Variants in PRH1 observed in about 807,000 individuals in gnomAD.
PRH1 encodes the protein salivary acidic proline-rich phosphoprotein 1/2.
PRH1 carries 7 observed loss-of-function variants against 7.9 expected under a neutral mutation model. That is an observed-to-expected ratio of 0.89 (90% confidence interval 0.50 to 1.67). The LOEUF (loss-of-function observed/expected upper bound fraction) is 1.67, where lower values mean the gene tolerates loss of function less well. PRH1 is among the 40% of genes most tolerant of loss of function. PRH1 has a pLI of 0.00. For synonymous variants in PRH1, 45 were observed against 80.8 expected, an observed-to-expected ratio of 0.56 and a Z score of 2.38; for missense variants, 109 against 223.6, an observed-to-expected ratio of 0.49 and a Z score of 3.27.
chr12:10,969,090 TG>T (rs1938659755), intron 2 of PRH1, among the ~76,000 whole-genome samples: 1 of 152,124 alleles, frequency 6.6e-6, no homozygotes, highest in Admixed American at 6.5e-5. Flanking sequence ...TTTATTTTGA[TG>T]GAAGTGACTC....
chr12:11,094,878 C>T (rs1945040797), intron 1 of PRH1, among the ~76,000 whole-genome samples: 2 of 106,682 alleles, frequency 1.9e-5, no homozygotes, highest in South Asian at 5.1e-4. Flanking sequence ...ATTCCACTTT[C>T]CAAGTCCCTA....
At chr12:11,016,664 G>C (rs1414138538) in intron 1 of PRH1, among the ~76,000 whole-genome samples, 4 of 152,232 alleles carry the variant, frequency 2.6e-5, no homozygotes, top group Non-Finnish European at 5.9e-5. Context: ...TTGAAGGTCA[G>C]ATGCTACCTA....
chr12:10,987,394 A>G (rs1939704814), intron 1 of PRH1, among the ~76,000 whole-genome samples: 1 of 152,094 alleles, frequency 6.6e-6, no homozygotes. Context: ...ATTTAAACAG[A>G]CAGAATCCAA....
At chr12:10,957,080 A>G (rs149767598) in intron 2 of PRH1, among the ~76,000 whole-genome samples, 34 of 150,340 alleles carry the variant, frequency 2.3e-4, no homozygotes, top group Middle Eastern at 3.4e-3. Context: ...ATTCACTGGG[A>G]ATGAAAAAAA....
intron 1 of PRH1, among the ~76,000 whole-genome samples, chr12:11,100,496 G>C (rs1261195037): frequency 6.6e-6 from 1 of 152,166 alleles, no homozygotes; most frequent in East Asian, 1.9e-4. Flanking sequence ...ATCTCAAAAT[G>C]TCATTTCAAT....
In PRH1 at chr12:10,986,832, GA is replaced by G. The variant is rs79147066; in HGVS notation, c.-125-13112del. ...AACAAATAAAACCATTATTAGAATT[GA>G]AAAAAAAATGTATAGAAAAGTTATC... On this transcript the variant is annotated intron_variant, in intron 1 of 3. Coordinates refer to the PRH1 transcript ENST00000539853. 5.6e-4 allele frequency: 851 copies of G among 1,508,266 alleles called. 4 individuals are homozygous for G. The East Asian group carries it at 0.01, about 18-fold the overall frequency. The allele number at this position is 1,508,266 out of a possible 1,614,324, so 93.4% of individuals were successfully genotyped here.
chr12:11,025,000 A>G (rs1476265715), intron 1 of PRH1, among the ~76,000 whole-genome samples: 1 of 150,314 alleles, frequency 6.7e-6, no homozygotes, highest in Non-Finnish European at 1.5e-5. Context: ...AGAATTACAC[A>G]CTTAGTTTTC....
intron 1 of PRH1, among the ~76,000 whole-genome samples, chr12:11,004,228 C>A (rs982461445): frequency 1.3e-5 from 2 of 152,116 alleles, no homozygotes; most frequent in Non-Finnish European, 2.9e-5. Flanking sequence ...GGCACGGTGG[C>A]TCACGCCTGT....
rs1387739515 is a variant in PRH1 at position 11,087,032 on chromosome 12, CAA to C, written n.124-39846_124-39845del. On this transcript the variant is annotated intron_variant and non_coding_transcript_variant, in intron 1 of 4. Transcript: ENST00000541977. Reference sequence around the variant, plus strand: ...AAGTTTACCTCTTATAGGCAGGAACCAAAGATTGTTCATTATCGATTCGATAC... The same window carrying C: ...AAGTTTACCTCTTATAGGCAGGAACCAGATTGTTCATTATCGATTCGATAC... 7.2e-5 allele frequency among the ~76,000 whole-genome samples: 8 copies of C among 110,468 alleles called. 3 individuals carry two copies. The highest frequency in any genetic ancestry group is 2.4e-4 in the African/African-American group (8 of 33,526). 72.5% of individuals were successfully genotyped at this position (110,468 alleles called of 152,430 possible).
chr12:10,909,203 G>A, intron 2 of PRH1: 1 of 1,613,430 alleles, frequency 6.2e-7, no homozygotes, highest in Middle Eastern at 1.6e-4. Context: ...CCCAGTCAAT[G>A]CAGTTGATCA....
chr12:11,029,498 G>C, intron 1 of PRH1, among the ~76,000 whole-genome samples: 1 of 152,208 alleles, frequency 6.6e-6, no homozygotes, highest in Non-Finnish European at 1.5e-5. Context: ...TTCATAAATG[G>C]AAGGTAAGGA....
chr12:11,012,291 T>G (rs1176425125), intron 1 of PRH1, among the ~76,000 whole-genome samples: 1 of 152,156 alleles, frequency 6.6e-6, no homozygotes, highest in Non-Finnish European at 1.5e-5. Flanking sequence ...GGAGAAGATC[T>G]TGGAGTCAGT....
At chr12:11,153,899 G>A (rs1947178087) in intron 1 of PRH1, among the ~76,000 whole-genome samples, 1 of 152,014 alleles carries the variant, frequency 6.6e-6, no homozygotes, top group South Asian at 2.1e-4. Context: ...TAAATATTAT[G>A]AGCTCACTAA....
intron 1 of PRH1, among the ~76,000 whole-genome samples, chr12:11,124,792 T>C (rs72477454): frequency 8.7e-6 from 1 of 115,482 alleles, no homozygotes; most frequent in Non-Finnish European, 2.0e-5. Flanking sequence ...TTCTTTTCAA[T>C]GTACTAGAGT....
chr12:10,996,143 C>T (rs1037007756), intron 1 of PRH1, among the ~76,000 whole-genome samples: 1 of 151,408 alleles, frequency 6.6e-6, no homozygotes, highest in African/African-American at 2.4e-5. Flanking sequence ...TGGTGAAACC[C>T]CATCTCTACT....
chr12:10,921,833 C>A (rs916341876), intron 2 of PRH1, among the ~76,000 whole-genome samples: 2 of 152,210 alleles, frequency 1.3e-5, no homozygotes. Context: ...GTGGTGCGAT[C>A]TTGGCTCACT....
At chr12:11,055,289 C>A (rs890667627) in intron 1 of PRH1, among the ~76,000 whole-genome samples, 5 of 151,808 alleles carry the variant, frequency 3.3e-5, no homozygotes, top group African/African-American at 1.2e-4. Context: ...AATGAAGGTG[C>A]CTATGGGAAA....
chr12:10,980,341 G>C (rs1026001964), intron 1 of PRH1, among the ~76,000 whole-genome samples: 4 of 152,002 alleles, frequency 2.6e-5, no homozygotes, highest in Non-Finnish European at 5.9e-5. Flanking sequence ...TGTCCATAAT[G>C]ATTATCCCCT....
rs762851391 is a variant in PRH1 at position 10,986,476 on chromosome 12, T to C, written c.-125-12755A>G. The C allele has an allele frequency of 1.9e-6, 3 of 1,613,980 alleles. No individual in the cohort carries two copies. In the South Asian group the frequency reaches 3.3e-5, roughly 18 times the overall value. On this transcript the variant is annotated intron_variant, in intron 1 of 3. Transcript: ENST00000539853. ...AAAGTCCCCAACAGTATCACCAGAA[T>C]GACACTCCTAACTCTCCTCTTTAAA...
Sources: gnomAD v4.1 joint callset for allele counts (sites outside exome capture counted in the v4.1 genomes callset) on GRCh38, gnomAD v4.1.1 for gene constraint, MANE v1.5 for transcripts, NCBI Gene and HGNC (gene_info 2026-07-23, HGNC 2026-07-21) for gene names.